The following STOX2 variants were observed in gnomAD, a reference collection of about 807,000 sequenced individuals.
The protein encoded by STOX2 is storkhead box 2, also known as storkhead-box protein 2.
A neutral mutation model predicts 60.9 loss-of-function variants in STOX2; 28 were observed. The ratio of observed to expected loss-of-function variants is 0.46; its 90% CI spans 0.34 to 0.63. The LOEUF is 0.63. STOX2 is among the 30% of genes least tolerant of loss of function. STOX2 has a pLI of 0.01. For synonymous variants in STOX2, 472 were observed against 463.9 expected, an observed-to-expected ratio of 1.02 and a Z score of -0.22; for missense variants, 1,024 against 1,187.7, an observed-to-expected ratio of 0.86 and a Z score of 2.03.
chr4:183,800,834 C>T (rs565448603), intron 1 of STOX2, among the ~76,000 whole-genome samples: 63 of 152,274 alleles, frequency 4.1e-4, no homozygotes, highest in African/African-American at 1.5e-3. Flanking sequence ...AGGAGAGGAA[C>T]GGTTTTGCCC....
intron 1 of STOX2, among the ~76,000 whole-genome samples, chr4:183,799,493 C>A (rs79818449): frequency 6.6e-6 from 1 of 152,062 alleles, no homozygotes; most frequent in Non-Finnish European, 1.5e-5. Context: ...CTTTGAAATT[C>A]GATTTCACAC....
Position 183,830,410 on chromosome 4 carries a change from C to A in STOX2, c.364+32355C>A, listed in dbSNP as rs534308484. ...GTGTTATCTTGTTTTCTGAATTCCA[C>A]TGGGTGATAAAATGCAACTACAGCT... On this transcript the variant is annotated intron_variant, in intron 1 of 2. Coordinates refer to the STOX2 transcript ENST00000513034. 3.7e-3 allele frequency among the ~76,000 whole-genome samples: 567 copies of A among 152,314 alleles called. 4 individuals carry two copies. The highest frequency in any genetic ancestry group is 0.013 in the African/African-American group (538 of 41,562).
chr4:183,994,218 A>G (rs910988650), intron 1 of STOX2, among the ~76,000 whole-genome samples: 1 of 152,178 alleles, frequency 6.6e-6, no homozygotes, highest in African/African-American at 2.4e-5. Flanking sequence ...CCATGCCCAT[A>G]GTGCATTTTA....
chr4:183,991,042 T>A (rs1441153362), intron 1 of STOX2, among the ~76,000 whole-genome samples: 1 of 152,214 alleles, frequency 6.6e-6, no homozygotes, highest in Non-Finnish European at 1.5e-5. Context: ...ATTTAAGTCC[T>A]GAGTTTCCTT....
rs1217329362 is a variant in STOX2, at chr4:184,019,460, T to C, written c.*2176T>C. ...TCTTCTACTCTCAGTTCATAAATAA[T>C]ATAACCATTGAAACAACACATCAGC... On this transcript the variant is annotated 3_prime_UTR_variant, in exon 4 of 4. Transcript: ENST00000308497. 1 of 152,196 alleles carries C rather than the reference T, an allele frequency of 6.6e-6. No homozygotes were observed. The highest frequency in any genetic ancestry group is 2.4e-5 in the African/African-American group (1 of 41,448). The allele number at this position is 152,196 out of a possible 1,614,324, so 9.4% of individuals were successfully genotyped here. A position where few individuals can be genotyped will look rare whatever the true frequency, so the allele number is the denominator to read the frequency against.
intron 2 of STOX2, among the ~76,000 whole-genome samples, chr4:184,006,997 C>A (rs1402957317): frequency 4.0e-5 from 4 of 100,392 alleles, no homozygotes; most frequent in South Asian, 3.7e-4. Context: ...GCCTGGGCGA[C>A]AGAGCGAGAC....
At chr4:183,807,273 C>G (rs1050148713) in intron 1 of STOX2, among the ~76,000 whole-genome samples, 2 of 152,180 alleles carry the variant, frequency 1.3e-5, no homozygotes, top group Non-Finnish European at 2.9e-5. Context: ...CGCCCGGCCT[C>G]TGACACTTTC....
At chr4:183,951,625 G>A (rs913637698) in intron 1 of STOX2, among the ~76,000 whole-genome samples, 8 of 150,968 alleles carry the variant, frequency 5.3e-5, no homozygotes, top group African/African-American at 1.9e-4. Context: ...AAGGAAGACA[G>A]TCTCTTATCC....
At chr4:183,981,326 G>A (rs747734698) in intron 1 of STOX2, among the ~76,000 whole-genome samples, 4 of 152,066 alleles carry the variant, frequency 2.6e-5, no homozygotes, top group South Asian at 2.1e-4. Flanking sequence ...ATTTCAGGGC[G>A]TCTTCACAGT....
chr4:183,907,301 C>T (rs1741648789), intron 1 of STOX2, among the ~76,000 whole-genome samples: 1 of 152,192 alleles, frequency 6.6e-6, no homozygotes, highest in Non-Finnish European at 1.5e-5. Context: ...GCCAGGCTTG[C>T]TGGCTGCTGC....
chr4:183,822,858 G>A (rs1164070469), intron 1 of STOX2, among the ~76,000 whole-genome samples: 1 of 152,186 alleles, frequency 6.6e-6, no homozygotes, highest in African/African-American at 2.4e-5. Flanking sequence ...TGTCTAAGAG[G>A]CTGAAATTCA....
At chr4:183,925,066 G>A (rs1379248050) in intron 1 of STOX2, among the ~76,000 whole-genome samples, 1 of 152,190 alleles carries the variant, frequency 6.6e-6, no homozygotes, top group Non-Finnish European at 1.5e-5. Flanking sequence ...TTGCCAAGTA[G>A]AAGGATCTAG....
At chr4:183,881,274 G>C (rs1271806523) in intron 1 of STOX2, among the ~76,000 whole-genome samples, 2 of 152,142 alleles carry the variant, frequency 1.3e-5, no homozygotes, top group African/African-American at 4.8e-5. Flanking sequence ...AGGCTGAGGT[G>C]GGCGGATCCC....
At chr4:183,860,258 C>T (rs756597398) in intron 1 of STOX2, among the ~76,000 whole-genome samples, 1 of 151,638 alleles carries the variant, frequency 6.6e-6, no homozygotes, top group African/African-American at 2.4e-5. Context: ...GGTCCAGCCT[C>T]ATCATTATAC....
chr4:183,999,030 C>A (rs1168201557), intron 1 of STOX2, among the ~76,000 whole-genome samples: 2 of 151,984 alleles, frequency 1.3e-5, no homozygotes, highest in African/African-American at 4.8e-5. Flanking sequence ...AGCCACAGAG[C>A]CAGACCCTGT....
chr4:183,894,376 A>C lies in STOX2; in HGVS notation c.364+96321A>C, dbSNP rs866405295. On this transcript the variant is annotated intron_variant, in intron 1 of 2. Coordinates refer to the STOX2 transcript ENST00000513034. ...TAAATATTGAAACAAAATTTTAAAA[A>C]ATGTTTCAGATGAACTCAGCAGAAA... 1.8e-4 allele frequency among the ~76,000 whole-genome samples: 28 copies of C among 152,302 alleles called. No homozygotes were observed. In the Middle Eastern group the frequency reaches 0.017, roughly 93 times the overall value.
At chr4:183,800,793 A>C (rs1738744527) in intron 1 of STOX2, among the ~76,000 whole-genome samples, 1 of 152,204 alleles carries the variant, frequency 6.6e-6, no homozygotes, top group African/African-American at 2.4e-5. Flanking sequence ...GTGGTAATAA[A>C]AGTGTCCCAT....
chr4:184,019,464 A>G lies in STOX2; in HGVS notation c.*2180A>G, dbSNP rs1335934154. On this transcript the variant is annotated 3_prime_UTR_variant, in exon 4 of 4. Transcript: ENST00000308497. ...CTACTCTCAGTTCATAAATAATATA[A>G]CCATTGAAACAACACATCAGCCTCT... The G allele has an allele frequency of 6.6e-6, 1 of 152,210 alleles. No individual in the cohort carries two copies. The highest frequency in any genetic ancestry group is 1.5e-5 in the Non-Finnish European group (1 of 68,034). 9.4% of individuals were successfully genotyped at this position (152,210 alleles called of 1,614,324 possible).
chr4:183,890,944 C>A (rs1741193976), intron 1 of STOX2, among the ~76,000 whole-genome samples: 1 of 151,858 alleles, frequency 6.6e-6, no homozygotes, highest in Non-Finnish European at 1.5e-5. Flanking sequence ...CCCATCTCTA[C>A]AAAAAAATTT....
Sources: allele counts gnomAD v4.1 joint callset (sites outside exome capture counted in the v4.1 genomes callset), GRCh38; gene constraint gnomAD v4.1.1; transcripts MANE v1.5; gene names NCBI Gene and HGNC (gene_info 2026-07-23, HGNC 2026-07-21).